KCNIP4: variants seen among roughly 807,000 people sequenced by gnomAD.
KCNIP4 encodes Kv channel-interacting protein 4.
KCNIP4 carries 12 observed loss-of-function variants against 34.0 expected under a neutral mutation model. The observed-to-expected ratio is 0.35, with a 90% CI of 0.23 to 0.57. KCNIP4 has a LOEUF of 0.57. KCNIP4 is among the 20% of genes least tolerant of loss of function. The pLI, the probability that KCNIP4 is intolerant of heterozygous loss-of-function variation, is 0.83. For missense variants in KCNIP4, 238 were observed against 311.7 expected, an observed-to-expected ratio of 0.76 and a Z score of 1.78; for synonymous variants, 124 against 102.2, an observed-to-expected ratio of 1.21 and a Z score of -1.29.
At chr4:20,898,100 G>T (rs758163641) in intron 1 of KCNIP4, among the ~76,000 whole-genome samples, 1 of 152,086 alleles carries the variant, frequency 6.6e-6, no homozygotes, top group Non-Finnish European at 1.5e-5. Context: ...CTCTTCCTCA[G>T]CTGGGGCTTC....
intron 1 of KCNIP4, among the ~76,000 whole-genome samples, chr4:21,914,515 C>T (rs1486602517): frequency 2.0e-5 from 3 of 152,108 alleles, no homozygotes; most frequent in South Asian, 2.1e-4. Context: ...GGTCTCTGCA[C>T]CATGTGTCTC....
intron 1 of KCNIP4, among the ~76,000 whole-genome samples, chr4:21,905,065 CA>C (rs1727916962): frequency 6.6e-6 from 1 of 152,140 alleles, no homozygotes; most frequent in Admixed American, 6.6e-5. Context: ...GCATTGGTGA[CA>C]GTAAAGAAAC....
intron 1 of KCNIP4, among the ~76,000 whole-genome samples, chr4:21,603,655 T>C (rs1411222792): frequency 6.6e-6 from 1 of 151,754 alleles, no homozygotes; most frequent in Non-Finnish European, 1.5e-5. Context: ...TGAGTGGCCA[T>C]GAATCTTCCA....
intron 1 of KCNIP4, among the ~76,000 whole-genome samples, chr4:21,076,782 A>G (rs1745526932): frequency 6.6e-6 from 1 of 152,088 alleles, no homozygotes; most frequent in Admixed American, 6.6e-5. Context: ...ATACACTTTG[A>G]GTTTTGGACT....
chr4:20,922,797 C>G (rs1729535072), intron 1 of KCNIP4, among the ~76,000 whole-genome samples: 1 of 151,992 alleles, frequency 6.6e-6, no homozygotes. Context: ...TGCCTACAGC[C>G]TAAGATGTAG....
intron 1 of KCNIP4, among the ~76,000 whole-genome samples, chr4:21,255,023 G>A (rs1760970020): frequency 1.3e-5 from 2 of 152,056 alleles, no homozygotes; most frequent in Non-Finnish European, 1.5e-5. Flanking sequence ...TTGACTTCAG[G>A]TAAAGTTGAC....
intron 1 of KCNIP4, among the ~76,000 whole-genome samples, chr4:21,294,632 A>G (rs1005613635): frequency 1.5e-4 from 23 of 152,278 alleles, no homozygotes; most frequent in African/African-American, 5.5e-4. Flanking sequence ...CCTCACCTAG[A>G]ATATAATGAT....
chr4:21,492,323 ATCCAC>A (rs1357359177), intron 1 of KCNIP4, among the ~76,000 whole-genome samples: 1 of 152,128 alleles, frequency 6.6e-6, no homozygotes, highest in Non-Finnish European at 1.5e-5. Flanking sequence ...GACTCAAGTG[ATCCAC>A]TCACCTCAGC....
intron 1 of KCNIP4, among the ~76,000 whole-genome samples, chr4:21,021,372 T>A (rs911345710): frequency 6.6e-6 from 1 of 152,118 alleles, no homozygotes; most frequent in African/African-American, 2.4e-5. Context: ...TACACAGAGG[T>A]TACCCTAAAT....
chr4:21,133,218 C>G (rs1164119719), intron 1 of KCNIP4, among the ~76,000 whole-genome samples: 1 of 152,144 alleles, frequency 6.6e-6, no homozygotes, highest in Non-Finnish European at 1.5e-5. Context: ...TATTTACAAT[C>G]AAAAGTTGCC....
intron 1 of KCNIP4, among the ~76,000 whole-genome samples, chr4:21,046,088 C>G (rs1338498591): frequency 6.6e-6 from 1 of 152,162 alleles, no homozygotes; most frequent in Non-Finnish European, 1.5e-5. Flanking sequence ...CCTGTGCTGA[C>G]TGAAATGCAA....
intron 1 of KCNIP4, among the ~76,000 whole-genome samples, chr4:21,527,784 T>C (rs1736098282): frequency 6.6e-6 from 1 of 152,158 alleles, no homozygotes; most frequent in Non-Finnish European, 1.5e-5. Flanking sequence ...TTAAATATTG[T>C]ATAATCAGAC....
intron 1 of KCNIP4, among the ~76,000 whole-genome samples, chr4:21,319,736 A>G (rs1209717819): frequency 1.3e-5 from 2 of 152,200 alleles, no homozygotes; most frequent in Non-Finnish European, 1.5e-5. Flanking sequence ...CCAAACAGAC[A>G]TCAGTCAAAA....
At chr4:21,236,529 T>C (rs17455907) in intron 1 of KCNIP4, among the ~76,000 whole-genome samples, 33,677 of 152,090 alleles carry the variant, frequency 0.22, 4,229 homozygotes, top group South Asian at 0.44. Flanking sequence ...TAAGCAGTCT[T>C]GAGATAAGCT....
chr4:21,177,594 C>A lies in KCNIP4; in HGVS notation c.62-294885G>T, dbSNP rs1227387572. Among the ~76,000 whole-genome samples, 5 of 152,090 alleles carry A rather than the reference C, an allele frequency of 3.3e-5. No individual in the cohort carries two copies. The South Asian group carries it at 1.0e-3, about 32-fold the overall frequency. ...GTAGGGGTCGCAGCATTCTGGGAGG[C>A]CGAGGCAGGCAGGTTACCTGAGGTC... is the stretch of plus-strand genomic sequence containing the variant. On this transcript the variant is annotated intron_variant, in intron 1 of 8. Transcript: ENST00000382152.
chr4:21,103,215 T>A (rs968927198), intron 1 of KCNIP4, among the ~76,000 whole-genome samples: 9 of 151,000 alleles, frequency 6.0e-5, no homozygotes, highest in Admixed American at 2.0e-4. Flanking sequence ...AAGGTTTCTC[T>A]GAGATTCAGT....
intron 1 of KCNIP4, among the ~76,000 whole-genome samples, chr4:21,871,892 C>T (rs1725842706): frequency 6.6e-6 from 1 of 151,004 alleles, no homozygotes; most frequent in Non-Finnish European, 1.5e-5. Flanking sequence ...TTGTTATATT[C>T]AGGGTTGAGC....
chr4:21,926,106 T>C (rs1372791970), intron 1 of KCNIP4, among the ~76,000 whole-genome samples: 1 of 152,240 alleles, frequency 6.6e-6, no homozygotes, highest in Non-Finnish European at 1.5e-5. Context: ...TGACTAAAGA[T>C]AGCCATAAGA....
At chr4:21,829,538 G>A (rs995847152) in intron 1 of KCNIP4, among the ~76,000 whole-genome samples, 2 of 151,950 alleles carry the variant, frequency 1.3e-5, no homozygotes, top group Non-Finnish European at 2.9e-5. Context: ...CAGCAAGAAT[G>A]AGTTTTAAAG....
Sources: allele counts gnomAD v4.1 joint callset (sites outside exome capture counted in the v4.1 genomes callset), GRCh38; gene constraint gnomAD v4.1.1; transcripts MANE v1.5; gene names NCBI Gene and HGNC (gene_info 2026-07-23, HGNC 2026-07-21).